The following NRG3 variants were observed in gnomAD, a reference collection of about 807,000 sequenced individuals.
NRG3 encodes pro-neuregulin-3, membrane-bound isoform.
In NRG3, 31 loss-of-function variants were observed where a neutral mutation model predicts 66.9. That is an observed-to-expected ratio of 0.46 (90% CI 0.35 to 0.63). The LOEUF (loss-of-function observed/expected upper bound fraction) is 0.63. NRG3 is among the 20% of genes least tolerant of loss of function. The pLI is 0.00. For synonymous variants in NRG3, 393 were observed against 359.4 expected (o/e 1.09, Z -1.06); for missense variants, 910 against 878.9 (o/e 1.04, Z -0.45).
intron 7 of NRG3, 103 bp from the exon 8 acceptor site, chr10:82,978,847 G>A: frequency 4.2e-6 from 5 of 1,185,104 alleles, no homozygotes; most frequent in Non-Finnish European, 5.9e-6. Flanking sequence ...TGAGAATTTG[G>A]GGTGCAGATT....
chr10:82,259,375 C>A (rs1458831746), intron 1 of NRG3, among the ~76,000 whole-genome samples: 4 of 151,944 alleles, frequency 2.6e-5, no homozygotes, highest in African/African-American at 7.2e-5. Flanking sequence ...GATAAAAAAT[C>A]CTGGTTTACT....
At chr10:81,964,493 G>A (rs760113129) in intron 1 of NRG3, among the ~76,000 whole-genome samples, 1 of 151,514 alleles carries the variant, frequency 6.6e-6, no homozygotes, top group Admixed American at 6.6e-5. Context: ...CCGTACAGTA[G>A]TGAATTTAAC....
chr10:82,472,011 A>C (rs998829310), intron 2 of NRG3, among the ~76,000 whole-genome samples: 5 of 152,190 alleles, frequency 3.3e-5, no homozygotes, highest in African/African-American at 1.2e-4. Flanking sequence ...AGTAGGATAA[A>C]TTACTTAATA....
intron 1 of NRG3, among the ~76,000 whole-genome samples, chr10:82,212,297 A>C (rs1004890331): frequency 4.6e-5 from 7 of 152,168 alleles, no homozygotes; most frequent in African/African-American, 1.7e-4. Flanking sequence ...TGCTCCAGTT[A>C]CATCATCTAT....
chr10:81,894,586 A>G (rs1843345314), intron 1 of NRG3, among the ~76,000 whole-genome samples: 1 of 152,168 alleles, frequency 6.6e-6, no homozygotes, highest in Non-Finnish European at 1.5e-5. Context: ...ATGGGGGGAC[A>G]CAATTCAGTT....
At chr10:82,101,989 G>C (rs1308210374) in intron 1 of NRG3, among the ~76,000 whole-genome samples, 1 of 133,540 alleles carries the variant, frequency 7.5e-6, no homozygotes, top group East Asian at 2.3e-4. Context: ...TTACAGTTCT[G>C]TATATATGTG....
intron 3 of NRG3, among the ~76,000 whole-genome samples, chr10:82,756,142 A>G (rs2059069465): frequency 6.6e-6 from 1 of 152,006 alleles, no homozygotes; most frequent in African/African-American, 2.4e-5. Context: ...CTCTCCAGAT[A>G]TGGGATATAA....
At chr10:82,782,326 T>A in intron 3 of NRG3, among the ~76,000 whole-genome samples, 1 of 152,132 alleles carries the variant, frequency 6.6e-6, no homozygotes, top group East Asian at 1.9e-4. Flanking sequence ...TTCTCCTGCA[T>A]GTGCTGTCTC....
At chr10:82,920,065 A>G (rs1467518964) in intron 4 of NRG3, among the ~76,000 whole-genome samples, 2 of 152,204 alleles carry the variant, frequency 1.3e-5, no homozygotes, top group Admixed American at 6.5e-5. Flanking sequence ...CATACTTATG[A>G]CATGTAAAAG....
At position 82,613,446 on chromosome 10, in the gene NRG3, T is replaced by A. The variant is rs575955892; in HGVS notation, c.954-125131T>A. Among the ~76,000 whole-genome samples, 436 of 151,632 alleles carry A rather than the reference T, an allele frequency of 2.9e-3. 3 individuals carry two copies. The highest frequency in any genetic ancestry group is 0.01 in the African/African-American group (423 of 41,498). On this transcript the variant is annotated intron_variant, in intron 2 of 8. Transcript: ENST00000372141. ...AAAAAAATAATTAATTAATTAATTA[T>A]TTATTTTTTCCATCCAGAGTAATTT...
At chr10:82,761,081 A>G (rs898353868) in intron 3 of NRG3, among the ~76,000 whole-genome samples, 5 of 151,898 alleles carry the variant, frequency 3.3e-5, no homozygotes, top group African/African-American at 1.2e-4. Flanking sequence ...TCTACAGATG[A>G]CTTGAGCTAA....
intron 1 of NRG3, among the ~76,000 whole-genome samples, chr10:81,998,706 T>G (rs1417537973): frequency 6.6e-6 from 1 of 152,218 alleles, no homozygotes; most frequent in Non-Finnish European, 1.5e-5. Flanking sequence ...TCCTCTATGC[T>G]TTCTCTCCTT....
At chr10:82,001,910 G>C (rs1022625577) in intron 1 of NRG3, among the ~76,000 whole-genome samples, 2 of 152,106 alleles carry the variant, frequency 1.3e-5, no homozygotes, top group African/African-American at 2.4e-5. Context: ...AACAGGTTAG[G>C]ATCACAAAAT....
At chr10:82,288,073 T>C (rs968907361) in intron 1 of NRG3, among the ~76,000 whole-genome samples, 4 of 152,194 alleles carry the variant, frequency 2.6e-5, no homozygotes, top group Admixed American at 6.5e-5. Context: ...TGGGGTCCCA[T>C]TTATTCCTTT....
chr10:82,093,792 G>A (rs1288808704), intron 1 of NRG3, among the ~76,000 whole-genome samples: 1 of 152,150 alleles, frequency 6.6e-6, no homozygotes, highest in African/African-American at 2.4e-5. Context: ...CCATGACAGT[G>A]TCCAGGTGGG....
intron 2 of NRG3, among the ~76,000 whole-genome samples, chr10:82,637,737 C>T (rs2050293633): frequency 6.6e-6 from 1 of 152,122 alleles, no homozygotes; most frequent in African/African-American, 2.4e-5. Context: ...CAGCTAAGTA[C>T]AATGCTTACT....
intron 1 of NRG3, among the ~76,000 whole-genome samples, chr10:82,192,531 C>T (rs1358673801): frequency 1.3e-5 from 2 of 152,118 alleles, no homozygotes; most frequent in Admixed American, 1.3e-4. Context: ...ATTGAGCTGA[C>T]CTGTGGACAC....
At chr10:82,271,091 G>T (rs1365216536) in intron 1 of NRG3, among the ~76,000 whole-genome samples, 1 of 152,004 alleles carries the variant, frequency 6.6e-6, no homozygotes, top group Non-Finnish European at 1.5e-5. Flanking sequence ...AAAATATATT[G>T]GTTGTATTGG....
At chr10:82,485,211 CTA>C (rs1192682217) in intron 2 of NRG3, among the ~76,000 whole-genome samples, 1 of 152,014 alleles carries the variant, frequency 6.6e-6, no homozygotes, top group Non-Finnish European at 1.5e-5. Context: ...TAACCCTGCT[CTA>C]ACCAAATAGT....
Sources: gnomAD v4.1 joint callset for allele counts (sites outside exome capture counted in the v4.1 genomes callset) on GRCh38, gnomAD v4.1.1 for gene constraint, MANE v1.5 for transcripts, NCBI Gene and HGNC (gene_info 2026-07-23, HGNC 2026-07-21) for gene names.